Variants in FGD5 observed in about 807,000 individuals in gnomAD.
FGD5 encodes FYVE, RhoGEF and PH domain-containing protein 5.
Under a neutral mutation model 133.4 loss-of-function variants are expected in FGD5, and 28 were observed. That is an observed-to-expected ratio of 0.21 (90% CI 0.16 to 0.29). The LOEUF is 0.29. FGD5 is among the 10% of genes least tolerant of loss of function. The probability of loss-of-function intolerance (pLI) is 1.00; values close to 1 mark genes in which losing one functional copy is unlikely to be tolerated. For synonymous variants in FGD5, 810 were observed against 776.5 expected (o/e 1.04, Z -0.72); for missense variants, 1,858 against 1,895.2 (o/e 0.98, Z 0.36).
Position 14,821,705 on chromosome 3 carries a change from T to G in FGD5, c.2525+109T>G, listed in dbSNP as rs566072287. The G allele has an allele frequency of 2.2e-4, 306 of 1,411,736 alleles. 2 individuals carry two copies. In the East Asian group the frequency reaches 3.3e-3, roughly 15 times the overall value. The allele number at this position is 1,411,736 out of a possible 1,614,324, so 87.5% of individuals were successfully genotyped here. ...CTTTCCAGCCTCAGGCTCTGTTTCTTACTAGCTGTGTTGACTTGGGGTGAG... is the reference window on the plus strand; with the variant it reads ...CTTTCCAGCCTCAGGCTCTGTTTCTGACTAGCTGTGTTGACTTGGGGTGAG... On this transcript the variant is annotated intron_variant, in intron 1 of 19. Coordinates refer to ENST00000285046, the MANE Select transcript of FGD5 (RefSeq NM_152536.4).
intron 11 of FGD5, among the ~76,000 whole-genome samples, chr3:14,915,325 A>G (rs2038531496): frequency 6.6e-6 from 1 of 152,228 alleles, no homozygotes; most frequent in South Asian, 2.1e-4. Context: ...GGCTCTGTCT[A>G]TCCAGGGAAA....
At chr3:14,901,366 G>T (rs1198550922) in intron 9 of FGD5, among the ~76,000 whole-genome samples, 1 of 152,210 alleles carries the variant, frequency 6.6e-6, no homozygotes, top group Admixed American at 6.5e-5. Flanking sequence ...GCACACGTTG[G>T]ATCCTCCCAG....
chr3:14,888,899 G>GA (rs11391593), intron 4 of FGD5, among the ~76,000 whole-genome samples: 1,960 of 152,336 alleles, frequency 0.013, 44 homozygotes, highest in African/African-American at 0.044. Context: ...TGTGAGAAAT[G>GA]AAAATTATCC....
intron 1 of FGD5, among the ~76,000 whole-genome samples, chr3:14,830,244 CA>C (rs1201840852): frequency 6.6e-6 from 1 of 152,246 alleles, no homozygotes; most frequent in Non-Finnish European, 1.5e-5. Context: ...AAAACCATCA[CA>C]TCCTAATGCA....
chr3:14,929,374 G>A (rs1303104377), intron 18 of FGD5, among the ~76,000 whole-genome samples: 1 of 152,210 alleles, frequency 6.6e-6, no homozygotes, highest in Non-Finnish European at 1.5e-5. Flanking sequence ...GATTGGAATT[G>A]ATGGATCATA....
intron 1 of FGD5, among the ~76,000 whole-genome samples, chr3:14,826,641 GT>G (rs2036604744): frequency 6.6e-6 from 1 of 152,220 alleles, no homozygotes; most frequent in African/African-American, 2.4e-5. Context: ...AGCATTAGCT[GT>G]TATTAAGTGA....
intron 13 of FGD5, among the ~76,000 whole-genome samples, chr3:14,921,712 G>A (rs1462670062): frequency 6.6e-6 from 1 of 152,200 alleles, no homozygotes; most frequent in East Asian, 1.9e-4. Flanking sequence ...TCCAGTGTAA[G>A]AAGAAACAGA....
intron 1 of FGD5, among the ~76,000 whole-genome samples, chr3:14,850,012 C>A (rs370181898): frequency 6.6e-6 from 1 of 152,202 alleles, no homozygotes. Context: ...CTCCTGGCAA[C>A]TTCAGATGTG....
At chr3:14,824,045 A>G (rs916633955) in intron 1 of FGD5, among the ~76,000 whole-genome samples, 2 of 152,216 alleles carry the variant, frequency 1.3e-5, no homozygotes, top group African/African-American at 4.8e-5. Flanking sequence ...TTGAACTGTC[A>G]GACTGAATTT....
chr3:14,843,562 C>G (rs1216835630), intron 1 of FGD5, among the ~76,000 whole-genome samples: 1 of 151,892 alleles, frequency 6.6e-6, no homozygotes, highest in Non-Finnish European at 1.5e-5. Flanking sequence ...TGGGCTCTCA[C>G]TGTTGATAAG....
At position 14,820,306 on chromosome 3, in the gene FGD5, A is replaced by G. The variant is rs772985473; in HGVS notation, c.1235A>G (p.Asp412Gly). The G allele has an allele frequency of 1.6e-5, 26 of 1,607,530 alleles. No individual in the cohort carries two copies. Among genetic ancestry groups the G allele is most frequent in the Admixed American group, 3.4e-5 (2 of 59,638 alleles). Residue 412 changes from aspartate (D) to glycine (G), a missense_variant, in exon 1 of 20, where the codon GAT becomes GGT. Physicochemically the swap from Asp to Gly is moderately conservative, Grantham distance 94. Transcript: ENST00000285046. ...GGAAEGPAAP[D>G]VVVVLEEEAL... ...GCGGCCGAGGGTCCCGCAGCCCCTG[A>G]TGTGGTGGTCGTGCTGGAGGAGGAG...
chr3:14,818,390 A>G (rs2125066167), upstream of FGD5, among the ~76,000 whole-genome samples: 1 of 152,234 alleles, frequency 6.6e-6, no homozygotes, highest in African/African-American at 2.4e-5. Flanking sequence ...TTCAGTCATA[A>G]TATTCCAAGG....
rs753222985 is a variant in FGD5 at position 14,821,361 on chromosome 3, A to G, written c.2290A>G (p.Ile764Val). Residue 764 changes from isoleucine to valine, a missense_variant, in exon 1 of 20, where the codon ATC (isoleucine) becomes GTC (valine). Physicochemically the swap from Ile to Val is conservative, Grantham distance 29. Transcript: ENST00000285046. ...CTTGCCACTGACCAAGCCACGGTCC[A>G]TCTCCTTCCCCAGCGCTGACACTTC... ...LPLPLTKPRSISFPSADTSDY... is the reference protein window; with the variant it reads ...LPLPLTKPRSVSFPSADTSDY... 5.6e-5 allele frequency: 91 copies of G among 1,613,862 alleles called. No homozygotes were observed. Among genetic ancestry groups the G allele is most frequent in the Non-Finnish European group, 7.5e-5 (88 of 1,179,900 alleles).
At chr3:14,895,179 C>G (rs2038109816) in intron 4 of FGD5, among the ~76,000 whole-genome samples, 1 of 152,114 alleles carries the variant, frequency 6.6e-6, no homozygotes, top group Non-Finnish European at 1.5e-5. Context: ...TTGATTGTTT[C>G]CTTTGCTGTG....
chr3:14,909,839 C>G (rs954986514), intron 10 of FGD5, among the ~76,000 whole-genome samples: 21 of 149,400 alleles, frequency 1.4e-4, no homozygotes, highest in Non-Finnish European at 5.9e-5. Flanking sequence ...TATCTAGACT[C>G]ACTGCAACCT....
chr3:14,851,739 T>C (rs922807602), intron 1 of FGD5, among the ~76,000 whole-genome samples: 2 of 152,054 alleles, frequency 1.3e-5, no homozygotes, highest in African/African-American at 4.8e-5. Flanking sequence ...CCACTAGACT[T>C]CTGAGCCTCA....
At chr3:14,927,875 C>A (rs61326605) in intron 18 of FGD5, among the ~76,000 whole-genome samples, 15,813 of 151,892 alleles carry the variant, frequency 0.1, 1,000 homozygotes, top group East Asian at 0.18. Flanking sequence ...GCCATCCCCC[C>A]CAGCTCAGCC....
chr3:14,827,929 A>G (rs2036633929), intron 1 of FGD5, among the ~76,000 whole-genome samples: 1 of 152,218 alleles, frequency 6.6e-6, no homozygotes, highest in Non-Finnish European at 1.5e-5. Flanking sequence ...CTGCTCCGCC[A>G]GCCCAGGGTT....
intron 1 of FGD5, among the ~76,000 whole-genome samples, chr3:14,835,830 T>C (rs980246030): frequency 1.3e-5 from 2 of 152,174 alleles, no homozygotes; most frequent in Non-Finnish European, 2.9e-5. Context: ...TAAGAACCCA[T>C]GCCAGTTGCT....
Sources: allele counts gnomAD v4.1 joint callset (sites outside exome capture counted in the v4.1 genomes callset), GRCh38; gene constraint gnomAD v4.1.1; transcripts MANE v1.5; gene names NCBI Gene and HGNC (gene_info 2026-07-23, HGNC 2026-07-21).